NCBP3: variants seen among roughly 807,000 people sequenced by gnomAD.
The protein encoded by NCBP3 is nuclear cap binding subunit 3.
Under a neutral mutation model 75.7 loss-of-function variants are expected in NCBP3, and 20 were observed. The ratio of observed to expected loss-of-function variants is 0.26; its 90% CI spans 0.19 to 0.38. NCBP3 has a LOEUF of 0.38. NCBP3 is among the 10% of genes least tolerant of loss of function. The probability of loss-of-function intolerance (pLI) is 1.00; values close to 1 mark genes in which losing one functional copy is unlikely to be tolerated. For synonymous variants in NCBP3, 293 were observed against 290.5 expected, an observed-to-expected ratio of 1.01 and a Z score of -0.09; for missense variants, 678 against 796.9, an observed-to-expected ratio of 0.85 and a Z score of 1.80.
chr17:3,812,925 G>A lies in NCBP3; in HGVS notation c.*119C>T. 6.6e-7 allele frequency: 1 copy of A among 1,516,242 alleles called. No homozygotes were observed. 93.9% of individuals were successfully genotyped at this position (1,516,242 alleles called of 1,614,324 possible). ...TCTTGCCGAAGTAGCAAGAGCGGAG[G>A]GTGACTGTGTGAGCAGGAGCGAGAG... On this transcript the variant is annotated 3_prime_UTR_variant, in exon 13 of 13. Transcript: ENST00000389005.
intron 3 of NCBP3, among the ~76,000 whole-genome samples, chr17:3,835,639 T>C (rs2053960414): frequency 6.6e-6 from 1 of 152,264 alleles, no homozygotes; most frequent in Non-Finnish European, 1.5e-5. Context: ...TCATAAATAG[T>C]TCTCACACTG....
chr17:3,830,843 A>G (rs2053864740), intron 3 of NCBP3, among the ~76,000 whole-genome samples: 1 of 151,742 alleles, frequency 6.6e-6, no homozygotes, highest in Admixed American at 6.6e-5. Context: ...TTGGCCTCCT[A>G]AAGTGCTGGG....
rs2053448379 is a variant in NCBP3 at position 3,812,978 on chromosome 17, T to C, written c.*66A>G. 1.9e-6 allele frequency: 3 copies of C among 1,598,090 alleles called. No homozygotes were observed. The highest frequency in any genetic ancestry group is 2.6e-6 in the Non-Finnish European group (3 of 1,171,826). On this transcript the variant is annotated 3_prime_UTR_variant, in exon 13 of 13. Coordinates refer to ENST00000389005, the MANE Select transcript of NCBP3 (RefSeq NM_001114118.3). ...CGCCAGCTCCTGCGGGGGAGGTTCCTACTGCGCGCCCCACCCTGTGCAAGA... is the reference window on the plus strand; with the variant it reads ...CGCCAGCTCCTGCGGGGGAGGTTCCCACTGCGCGCCCCACCCTGTGCAAGA...
chr17:3,817,645 C>A (rs990407707), intron 10 of NCBP3, among the ~76,000 whole-genome samples: 1 of 151,880 alleles, frequency 6.6e-6, no homozygotes, highest in African/African-American at 2.4e-5. Context: ...AAAATAAAAA[C>A]ACACAAAAAA....
chr17:3,827,988 G>C (rs895594956), intron 4 of NCBP3, among the ~76,000 whole-genome samples: 16 of 152,116 alleles, frequency 1.1e-4, no homozygotes, highest in Non-Finnish European at 1.6e-4. Flanking sequence ...GCACTATCTT[G>C]GCTCACTGCT....
chr17:3,832,609 T>C (rs72825451), intron 3 of NCBP3, among the ~76,000 whole-genome samples: 54,172 of 136,124 alleles, frequency 0.4, 13,733 homozygotes, highest in East Asian at 0.61. Context: ...CCAGCCTGGG[T>C]GACAGAGCGA....
chr17:3,824,140 T>C (rs928855413), intron 7 of NCBP3: 1 of 152,132 alleles, frequency 6.6e-6, no homozygotes, highest in African/African-American at 2.4e-5. Flanking sequence ...CTGACAAAAT[T>C]TGAAAATCGA....
intron 11 of NCBP3, among the ~76,000 whole-genome samples, chr17:3,815,466 T>C (rs2053512909): frequency 6.6e-6 from 1 of 152,166 alleles, no homozygotes; most frequent in African/African-American, 2.4e-5. Flanking sequence ...TGAATCAGTG[T>C]TTGAACATAG....
At position 3,810,587 on chromosome 17, in the gene NCBP3, A is replaced by C. The variant is rs2053393704; in HGVS notation, c.*2457T>G. On this transcript the variant is annotated 3_prime_UTR_variant, in exon 13 of 13. Transcript: ENST00000389005. The stretch of plus-strand genomic sequence containing the variant: ...ATCCATTCTTACTCTTAAACTCCAA[A>C]GAAAAGGCCTCATCATTCAGGACAC... 1 of 152,206 alleles carries C rather than the reference A, an allele frequency of 6.6e-6. No individual in the cohort carries two copies. The highest frequency in any genetic ancestry group is 2.4e-5 in the African/African-American group (1 of 41,448). 9.4% of individuals were successfully genotyped at this position (152,206 alleles called of 1,614,324 possible).
Position 3,813,149 on chromosome 17 carries a change from C to G in NCBP3, c.1758G>C (p.Lys586Asn). ...TCTTTTGGCGAGACTGCTCTTTCTCCTTAATCAGAGCCCCCCATGCCCTTT... is the reference window on the plus strand; with the variant it reads ...TCTTTTGGCGAGACTGCTCTTTCTCGTTAATCAGAGCCCCCCATGCCCTTT... ...ELQRAWGALI[K>N]EKEQSRQKKS... Residue 586 changes from lysine (K) to asparagine (N), a missense_variant, in exon 13 of 13, where the codon AAG becomes AAC. By Grantham distance (94) the Lys-to-Asn change is moderately conservative. Coordinates refer to ENST00000389005, the MANE Select transcript of NCBP3 (RefSeq NM_001114118.3). The G allele has an allele frequency of 6.2e-7, 1 of 1,614,234 alleles. No individual in the cohort carries two copies. The highest frequency in any genetic ancestry group is 1.1e-5 in the South Asian group (1 of 91,090).
intron 4 of NCBP3, among the ~76,000 whole-genome samples, chr17:3,826,791 A>T (rs1597403561): frequency 6.6e-6 from 1 of 152,084 alleles, no homozygotes; most frequent in East Asian, 1.9e-4. Context: ...AGCCAGGCGG[A>T]TCACGAGGTC....
In NCBP3 at chr17:3,805,772, T is replaced by C. The variant is rs72825436; in HGVS notation, c.*7272A>G. On this transcript the variant is annotated 3_prime_UTR_variant, in exon 13 of 13. Transcript: ENST00000389005. Reference sequence around the variant, plus strand: ...TGCTCCCCGGAAAGGAGAGCAAGGATCCTTGAACACGCGTTAGCACTAGAA... The same window carrying C: ...TGCTCCCCGGAAAGGAGAGCAAGGACCCTTGAACACGCGTTAGCACTAGAA... 0.14 allele frequency: 21,839 copies of C among 152,090 alleles called. 2,674 individuals carry two copies. The highest frequency in any genetic ancestry group is 0.33 in the African/African-American group (13,791 of 41,382). 9.4% of individuals were successfully genotyped at this position (152,090 alleles called of 1,614,324 possible). A position where few individuals can be genotyped will look rare whatever the true frequency, so the allele number is the denominator to read the frequency against.
At position 3,806,708 on chromosome 17, in the gene NCBP3, G is replaced by C. The variant is rs1424034731; in HGVS notation, c.*6336C>G. The C allele has an allele frequency of 3.9e-5, 5 of 129,284 alleles. No homozygotes were observed. Among genetic ancestry groups the C allele is most frequent in the Admixed American group, 2.6e-4 (3 of 11,748 alleles). The allele number at this position is 129,284 out of a possible 1,614,324, so 8.0% of individuals were successfully genotyped here. On this transcript the variant is annotated 3_prime_UTR_variant, in exon 13 of 13. Transcript: ENST00000389005. ...AACAAAGTTCTGTGAAATGTTCATAGAGCTTCATTGAAAAAAAAAAAAAAA... is the reference window on the plus strand; with the variant it reads ...AACAAAGTTCTGTGAAATGTTCATACAGCTTCATTGAAAAAAAAAAAAAAA...
chr17:3,821,903 A>G, intron 8 of NCBP3, 50 bp downstream of exon 8: 1 of 1,179,986 alleles, frequency 8.5e-7, no homozygotes. Flanking sequence ...TACCAACTGA[A>G]GGATTAAGAA....
At position 3,821,982 on chromosome 17, in the gene NCBP3, T is replaced by C. The variant is rs372296011; in HGVS notation, c.867A>G (p.Gly289=). 176 of 1,612,354 alleles carry C rather than the reference T, an allele frequency of 1.1e-4. No homozygotes were observed. The highest frequency in any genetic ancestry group is 2.7e-4 in the Admixed American group (16 of 59,874). Residue 289 remains glycine, a synonymous_variant, in exon 8 of 13, where the codon GGA becomes GGG. Transcript: ENST00000389005. ...YYMKYGNPNY[G]GMKGILSNSW... ...AATTGCTAAGAATTCCTTTCATGCC[T>C]CCATAATTTGGATTCCCATATTTCA...
chr17:3,824,671 G>A (rs377543812), intron 7 of NCBP3: 1 of 210,722 alleles, frequency 4.7e-6, no homozygotes, highest in Non-Finnish European at 9.4e-6. Context: ...AATTCAGATG[G>A]TAACTGGCTG....
At chr17:3,819,833 C>T (rs1348926517) in intron 9 of NCBP3, among the ~76,000 whole-genome samples, 1 of 151,930 alleles carries the variant, frequency 6.6e-6, no homozygotes, top group Non-Finnish European at 1.5e-5. Flanking sequence ...ATACAGGGTA[C>T]TAGAAATAGG....
rs1198472422 is a variant in NCBP3, at chr17:3,816,225, G to T, written c.1356C>A (p.Asn452Lys). The T allele has an allele frequency of 1.9e-6, 3 of 1,613,996 alleles. No homozygotes were observed. The highest frequency in any genetic ancestry group is 2.5e-6 in the Non-Finnish European group (3 of 1,180,020). ...ADSVSSSNIK[N>K]RIGNKLPPEK... is the part of the protein sequence containing the mutation. ...CAGGTGGTAATTTGTTACCAATTCGGTTTTTGATATTGCTTGAAGATACAC... is the reference window on the plus strand; with the variant it reads ...CAGGTGGTAATTTGTTACCAATTCGTTTTTTGATATTGCTTGAAGATACAC... The change falls in exon 11 of 13, where the codon AAC (asparagine) becomes AAA (lysine). Residue 452 changes from asparagine to lysine, a missense_variant. Physicochemically the swap from Asn to Lys is moderately conservative, Grantham distance 94. Transcript: ENST00000389005.
chr17:3,822,111 ATT>A, intron 7 of NCBP3, 59 bp from the exon 8 acceptor site: 1 of 1,106,410 alleles, frequency 9.0e-7, no homozygotes, highest in South Asian at 1.4e-5. Context: ...ACAATGTTGA[ATT>A]TTTTTTTTAA....
Sources: gnomAD v4.1 joint callset for allele counts (sites outside exome capture counted in the v4.1 genomes callset) on GRCh38, gnomAD v4.1.1 for gene constraint, MANE v1.5 for transcripts, NCBI Gene and HGNC (gene_info 2026-07-23, HGNC 2026-07-21) for gene names.